The following MAGI1 variants were observed in gnomAD, a reference collection of about 807,000 sequenced individuals.
MAGI1 encodes membrane associated guanylate kinase, WW and PDZ domain containing 1.
In MAGI1, 58 loss-of-function variants were observed where a neutral mutation model predicts 139.9. That is an observed-to-expected ratio of 0.41 (90% CI 0.34 to 0.52). MAGI1 has a LOEUF of 0.52. Among genes scored for constraint, MAGI1 ranks in the 20% least tolerant of loss-of-function variants. MAGI1 has a pLI of 0.12. For synonymous variants in MAGI1, 812 were observed against 737.9 expected, an observed-to-expected ratio of 1.10 and a Z score of -1.63; for missense variants, 1,874 against 1,901.6, an observed-to-expected ratio of 0.99 and a Z score of 0.27.
At chr3:65,925,938 A>T (rs1263725537) in intron 1 of MAGI1, among the ~76,000 whole-genome samples, 1 of 152,186 alleles carries the variant, frequency 6.6e-6, no homozygotes, top group African/African-American at 2.4e-5. Context: ...TCAGCCTCCC[A>T]AAGTGCTAGG....
rs1272285696 is a variant in MAGI1 at position 65,793,812 on chromosome 3, A to C, written c.314-171724T>G. On this transcript the variant is annotated intron_variant, in intron 1 of 22. Transcript: ENST00000402939. ...CAGTTAAGGAATAGATCAAGAAAATATATTGCACAGCTATATCTCTGCACC... is the reference window on the plus strand; with the variant it reads ...CAGTTAAGGAATAGATCAAGAAAATCTATTGCACAGCTATATCTCTGCACC... 2.0e-5 allele frequency among the ~76,000 whole-genome samples: 3 copies of C among 152,224 alleles called. No individual in the cohort carries two copies. In the East Asian group the frequency reaches 5.8e-4, roughly 29 times the overall value.
At chr3:65,558,909 A>G (rs2108006056) in intron 2 of MAGI1, among the ~76,000 whole-genome samples, 1 of 152,342 alleles carries the variant, frequency 6.6e-6, no homozygotes, top group Middle Eastern at 3.4e-3. Context: ...ACTGAGGAAA[A>G]CAATGAATCT....
At chr3:65,442,350 G>A (rs1164997421) in intron 8 of MAGI1, among the ~76,000 whole-genome samples, 1 of 152,136 alleles carries the variant, frequency 6.6e-6, no homozygotes, top group African/African-American at 2.4e-5. Flanking sequence ...TGAACCTTTT[G>A]AAATGTATGA....
chr3:65,759,066 A>C (rs1395272695), intron 1 of MAGI1, among the ~76,000 whole-genome samples: 2 of 19,478 alleles, frequency 1.0e-4, no homozygotes, highest in South Asian at 4.9e-3. Context: ...GGCCCAGTGC[A>C]AAAAAAAAAA....
chr3:65,742,128 C>T (rs1044687296), intron 1 of MAGI1, among the ~76,000 whole-genome samples: 1 of 152,122 alleles, frequency 6.6e-6, no homozygotes, highest in African/African-American at 2.4e-5. Context: ...ATATTTAACA[C>T]TGTATCAAGT....
intron 2 of MAGI1, among the ~76,000 whole-genome samples, chr3:65,535,562 G>A (rs751672732): frequency 7.2e-5 from 11 of 152,132 alleles, no homozygotes; most frequent in Admixed American, 1.3e-4. Flanking sequence ...CTTCACACCA[G>A]GAAAACAATG....
At chr3:65,991,743 G>A (rs761738144) in intron 1 of MAGI1, among the ~76,000 whole-genome samples, 71 of 152,254 alleles carry the variant, frequency 4.7e-4, no homozygotes, top group Middle Eastern at 6.8e-3. Flanking sequence ...GGCCAGGCAC[G>A]GTGGCTCGTG....
chr3:65,640,123 A>C (rs897210045), intron 1 of MAGI1, among the ~76,000 whole-genome samples: 25 of 151,990 alleles, frequency 1.6e-4, no homozygotes, highest in African/African-American at 5.8e-4. Context: ...GAGTACCATC[A>C]GCTCCTCTGG....
chr3:65,426,567 A>T (rs959246521), intron 12 of MAGI1, among the ~76,000 whole-genome samples: 1 of 152,164 alleles, frequency 6.6e-6, no homozygotes, highest in Non-Finnish European at 1.5e-5. Context: ...AATAAACTAG[A>T]TTCATTAGAA....
In MAGI1 at chr3:65,519,375, CACACACACACATAT is replaced by C. The variant is rs776889924; in HGVS notation, c.431-25758_431-25745del. Among the ~76,000 whole-genome samples, 16 of 69,520 alleles carry C rather than the reference CACACACACACATAT, an allele frequency of 2.3e-4. No individual in the cohort carries two copies. The South Asian group carries it at 2.4e-3, about 11-fold the overall frequency. 45.6% of individuals were successfully genotyped at this position (69,520 alleles called of 152,430 possible). A position where few individuals can be genotyped will look rare whatever the true frequency, so the allele number is the denominator to read the frequency against. ...ACACACACACACACACACACACACA[CACACACACACATAT>C]ATATAATTTTTTTTTGGATGGAGTC... On this transcript the variant is annotated intron_variant, in intron 2 of 22. Transcript: ENST00000402939.
intron 1 of MAGI1, among the ~76,000 whole-genome samples, chr3:65,989,751 T>C (rs757707972): frequency 1.3e-5 from 2 of 152,146 alleles, no homozygotes; most frequent in Non-Finnish European, 2.9e-5. Flanking sequence ...TTGGCCAGGC[T>C]GGTCTCGAAC....
intron 12 of MAGI1, among the ~76,000 whole-genome samples, chr3:65,410,857 TTGAC>T (rs965382901): frequency 9.2e-5 from 14 of 152,176 alleles, no homozygotes; most frequent in Non-Finnish European, 2.1e-4. Flanking sequence ...AACTAACAGG[TTGAC>T]TGGCCACAAA....
At chr3:65,759,464 A>T (rs1385171971) in intron 1 of MAGI1, among the ~76,000 whole-genome samples, 1 of 152,192 alleles carries the variant, frequency 6.6e-6, no homozygotes, top group African/African-American at 2.4e-5. Flanking sequence ...TCTCAGGACA[A>T]TGTGTGTCAT....
chr3:65,706,268 T>C (rs1322715013), intron 1 of MAGI1, among the ~76,000 whole-genome samples: 2 of 152,230 alleles, frequency 1.3e-5, no homozygotes, highest in East Asian at 3.8e-4. Context: ...AAATTTATGT[T>C]TTAAAAAATG....
intron 1 of MAGI1, among the ~76,000 whole-genome samples, chr3:65,812,458 T>TCACA (rs779884222): frequency 4.4e-4 from 45 of 101,710 alleles, no homozygotes; most frequent in African/African-American, 1.5e-3. Flanking sequence ...TCTCTCTCTC[T>TCACA]CTCTCTCTCT....
intron 1 of MAGI1, among the ~76,000 whole-genome samples, chr3:65,732,354 C>T (rs949996659): frequency 6.6e-6 from 1 of 152,198 alleles, no homozygotes; most frequent in Non-Finnish European, 1.5e-5. Flanking sequence ...CTTGGGGATA[C>T]TGATAAGCAG....
chr3:65,997,765 T>C (rs1576407574), intron 1 of MAGI1, among the ~76,000 whole-genome samples: 1 of 152,246 alleles, frequency 6.6e-6, no homozygotes, highest in African/African-American at 2.4e-5. Context: ...GTTTCCTCTT[T>C]TCCCTCTCCA....
At chr3:65,760,822 C>A (rs1167737933) in intron 1 of MAGI1, among the ~76,000 whole-genome samples, 1 of 152,094 alleles carries the variant, frequency 6.6e-6, no homozygotes, top group Admixed American at 6.5e-5. Context: ...AAGTTCTCAT[C>A]AACATAAAAT....
At chr3:65,502,445 A>T (rs970293221) in intron 2 of MAGI1, among the ~76,000 whole-genome samples, 13 of 152,164 alleles carry the variant, frequency 8.5e-5, no homozygotes, top group African/African-American at 3.1e-4. Context: ...AATACCATGA[A>T]CTGGGTGGCT....
Sources: gnomAD v4.1 joint callset for allele counts (sites outside exome capture counted in the v4.1 genomes callset) on GRCh38, gnomAD v4.1.1 for gene constraint, MANE v1.5 for transcripts, NCBI Gene and HGNC (gene_info 2026-07-23, HGNC 2026-07-21) for gene names.